PLCXD3: variants seen among roughly 807,000 people sequenced by gnomAD.
The protein encoded by PLCXD3 is phosphatidylinositol specific phospholipase C X domain containing 3, also known as PI-PLC X domain-containing protein 3.
PLCXD3 carries 19 observed loss-of-function variants against 25.5 expected under a neutral mutation model. The ratio of observed to expected loss-of-function variants is 0.75; its 90% confidence interval spans 0.52 to 1.09. The LOEUF (loss-of-function observed/expected upper bound fraction) is 1.09. PLCXD3 is among the 50% of genes least tolerant of loss of function. The pLI, the probability that PLCXD3 is intolerant of heterozygous loss-of-function variation, is 0.00. For synonymous variants in PLCXD3, 174 were observed against 137.6 expected, an observed-to-expected ratio of 1.26 and a Z score of -1.85; for missense variants, 411 against 388.1, an observed-to-expected ratio of 1.06 and a Z score of -0.50.
intron 1 of PLCXD3, among the ~76,000 whole-genome samples, chr5:41,422,199 C>T (rs551589050): frequency 8.5e-5 from 13 of 152,298 alleles, no homozygotes; most frequent in African/African-American, 2.9e-4. Flanking sequence ...TCAGCTTGCT[C>T]TTTCCTATAA....
chr5:41,383,244 A>G (rs188296156), intron 1 of PLCXD3, among the ~76,000 whole-genome samples: 1 of 152,154 alleles, frequency 6.6e-6, no homozygotes, highest in Admixed American at 6.6e-5. Context: ...ACAGCATTTA[A>G]AAATTAACTA....
intron 1 of PLCXD3, among the ~76,000 whole-genome samples, chr5:41,403,416 T>TTTGTTTTTG (rs59150091): frequency 1.5e-4 from 7 of 47,542 alleles, no homozygotes; most frequent in East Asian, 2.9e-4. Flanking sequence ...TTTTTTTTTT[T>TTTGTTTTTG]ATTATACTCT....
intron 1 of PLCXD3, among the ~76,000 whole-genome samples, chr5:41,420,601 T>C (rs1347888444): frequency 6.6e-6 from 1 of 152,262 alleles, no homozygotes; most frequent in Non-Finnish European, 1.5e-5. Flanking sequence ...TCTCTCAGAC[T>C]GGGCTTCTGC....
chr5:41,474,454 C>T (rs1257061949), intron 1 of PLCXD3, among the ~76,000 whole-genome samples: 1 of 152,132 alleles, frequency 6.6e-6, no homozygotes, highest in Non-Finnish European at 1.5e-5. Flanking sequence ...TTGATCATGA[C>T]CCTCATTCTT....
chr5:41,371,520 C>T (rs2150488855), intron 2 of PLCXD3, among the ~76,000 whole-genome samples: 1 of 152,232 alleles, frequency 6.6e-6, no homozygotes, highest in East Asian at 1.9e-4. Flanking sequence ...TGCTTTCTGA[C>T]AGCATCTGAT....
chr5:41,424,710 C>T (rs866436297), intron 1 of PLCXD3, among the ~76,000 whole-genome samples: 3 of 151,998 alleles, frequency 2.0e-5, no homozygotes, highest in African/African-American at 4.8e-5. Context: ...TATTTTTTCA[C>T]ATTATAAATA....
intron 2 of PLCXD3, among the ~76,000 whole-genome samples, chr5:41,323,580 T>C (rs1743539218): frequency 1.3e-5 from 2 of 152,190 alleles, no homozygotes; most frequent in African/African-American, 2.4e-5. Context: ...ATGATTAGAT[T>C]AGTGATTTAG....
chr5:41,432,651 C>T (rs766727847), intron 1 of PLCXD3, among the ~76,000 whole-genome samples: 6 of 152,132 alleles, frequency 3.9e-5, no homozygotes, highest in Non-Finnish European at 8.8e-5. Context: ...TGTTGTAATG[C>T]CTGAGCACCC....
At chr5:41,360,138 C>A (rs763461565) in intron 2 of PLCXD3, among the ~76,000 whole-genome samples, 3 of 152,080 alleles carry the variant, frequency 2.0e-5, no homozygotes, top group Non-Finnish European at 4.4e-5. Context: ...ATTGCTGAGA[C>A]TTTCTAGTAC....
chr5:41,313,502 A>C lies in PLCXD3; in HGVS notation c.*115T>G. ...TTTTCCCCTTTTCCCACCCACTACCAGCCCTATTCCCTTCAGAGACTCAGT... is the reference window on the plus strand; with the variant it reads ...TTTTCCCCTTTTCCCACCCACTACCCGCCCTATTCCCTTCAGAGACTCAGT... On this transcript the variant is annotated 3_prime_UTR_variant, in exon 3 of 3. Transcript: ENST00000377801. 4 of 1,226,120 alleles carry C rather than the reference A, an allele frequency of 3.3e-6. No individual in the cohort carries two copies. The highest frequency in any genetic ancestry group is 4.6e-6 in the Non-Finnish European group (4 of 865,420). 76.0% of individuals were successfully genotyped at this position (1,226,120 alleles called of 1,614,324 possible).
In PLCXD3 at chr5:41,502,969, C is replaced by T. The variant is rs560986516; in HGVS notation, c.103+7455G>A. 1.8e-4 allele frequency among the ~76,000 whole-genome samples: 27 copies of T among 152,282 alleles called. No individual in the cohort carries two copies. The South Asian group carries it at 5.4e-3, about 30-fold the overall frequency. ...AGCATTCATGGCAGGAGCTTTACAT[C>T]CCCTGACAACCTTTCTTTTCTTGAG... is the stretch of plus-strand genomic sequence containing the variant. On this transcript the variant is annotated intron_variant, in intron 1 of 2. Coordinates refer to ENST00000377801, the MANE Select transcript of PLCXD3 (RefSeq NM_001005473.3).
chr5:41,388,949 G>GC (rs1745725245), intron 1 of PLCXD3, among the ~76,000 whole-genome samples: 1 of 151,076 alleles, frequency 6.6e-6, no homozygotes, highest in African/African-American at 2.4e-5. Context: ...GTATAGTAAT[G>GC]CTTGTATAAT....
At chr5:41,392,920 A>G (rs916145875) in intron 1 of PLCXD3, among the ~76,000 whole-genome samples, 2 of 152,202 alleles carry the variant, frequency 1.3e-5, no homozygotes, top group African/African-American at 4.8e-5. Context: ...TGCAACTGGT[A>G]TACTAAAGAA....
At chr5:41,469,688 T>A (rs1352413925) in intron 1 of PLCXD3, among the ~76,000 whole-genome samples, 1 of 152,188 alleles carries the variant, frequency 6.6e-6, no homozygotes, top group Admixed American at 6.5e-5. Flanking sequence ...ATTAGTTTTT[T>A]AAAAAATGCC....
chr5:41,377,489 G>A (rs535837854), intron 2 of PLCXD3, among the ~76,000 whole-genome samples: 15 of 152,020 alleles, frequency 9.9e-5, no homozygotes, highest in East Asian at 5.8e-4. Flanking sequence ...ATAAACTTCC[G>A]CAAATTAGGA....
intron 1 of PLCXD3, among the ~76,000 whole-genome samples, chr5:41,483,582 G>A (rs573621978): frequency 1.3e-5 from 2 of 152,208 alleles, no homozygotes; most frequent in East Asian, 3.9e-4. Context: ...AGCTTAATGA[G>A]TACAGAATTT....
At chr5:41,343,387 CA>C (rs1744213294) in intron 2 of PLCXD3, among the ~76,000 whole-genome samples, 1 of 151,954 alleles carries the variant, frequency 6.6e-6, no homozygotes, top group South Asian at 2.1e-4. Context: ...GAAAAAAAAT[CA>C]ATCCAAAGGC....
intron 2 of PLCXD3, among the ~76,000 whole-genome samples, chr5:41,353,797 G>A (rs1744540541): frequency 6.6e-6 from 1 of 152,186 alleles, no homozygotes; most frequent in South Asian, 2.1e-4. Flanking sequence ...AGTTGGTGGT[G>A]TGGTAGAGAC....
chr5:41,334,201 A>G (rs1300605804), intron 2 of PLCXD3, among the ~76,000 whole-genome samples: 1 of 152,180 alleles, frequency 6.6e-6, no homozygotes, highest in African/African-American at 2.4e-5. Context: ...TACATAAATT[A>G]TGCAAACCTT....
Sources: allele counts gnomAD v4.1 joint callset (sites outside exome capture counted in the v4.1 genomes callset), GRCh38; gene constraint gnomAD v4.1.1; transcripts MANE v1.5; gene names NCBI Gene and HGNC (gene_info 2026-07-23, HGNC 2026-07-21).